SGCZ: variants seen among roughly 807,000 people sequenced by gnomAD.
The protein encoded by SGCZ is zeta-sarcoglycan.
SGCZ carries 40 observed loss-of-function variants against 41.3 expected under a neutral mutation model. That is an observed-to-expected ratio of 0.97 (90% confidence interval 0.75 to 1.26). The LOEUF is 1.26. Among genes scored for constraint, SGCZ ranks in the 50% most tolerant of loss-of-function variants. The probability of loss-of-function intolerance (pLI) is 0.00; values close to 1 mark genes in which losing one functional copy is unlikely to be tolerated. For synonymous variants in SGCZ, 206 were observed against 137.5 expected (o/e 1.50, Z -3.49); for missense variants, 552 against 369.8 (o/e 1.49, Z -4.04).
intron 1 of SGCZ, among the ~76,000 whole-genome samples, chr8:15,059,588 A>T (rs1373836289): frequency 6.6e-6 from 1 of 152,232 alleles, no homozygotes; most frequent in Non-Finnish European, 1.5e-5. Context: ...GTAAGAAATC[A>T]TTACTTGAAA....
At chr8:14,764,040 T>C (rs996465137) in intron 1 of SGCZ, among the ~76,000 whole-genome samples, 11 of 152,172 alleles carry the variant, frequency 7.2e-5, no homozygotes, top group Admixed American at 5.9e-4. Context: ...GCTGATGCCA[T>C]GTCTGGCAGG....
chr8:14,833,910 G>C (rs1295603249), intron 1 of SGCZ, among the ~76,000 whole-genome samples: 1 of 152,154 alleles, frequency 6.6e-6, no homozygotes, highest in Non-Finnish European at 1.5e-5. Flanking sequence ...TCAACAGTTT[G>C]GAGGGGAGAA....
chr8:14,424,824 T>A (rs1324610301), intron 2 of SGCZ, among the ~76,000 whole-genome samples: 1 of 152,204 alleles, frequency 6.6e-6, no homozygotes, highest in Non-Finnish European at 1.5e-5. Context: ...TTCTACATTA[T>A]GCTGATGTTG....
chr8:14,975,180 C>T (rs1037714238), intron 1 of SGCZ, among the ~76,000 whole-genome samples: 1 of 152,130 alleles, frequency 6.6e-6, no homozygotes, highest in Non-Finnish European at 1.5e-5. Context: ...GTGGCGGCTG[C>T]CTGTAGCCCC....
intron 1 of SGCZ, among the ~76,000 whole-genome samples, chr8:14,930,762 C>G (rs1799901785): frequency 6.6e-6 from 1 of 151,956 alleles, no homozygotes; most frequent in African/African-American, 2.4e-5. Context: ...CCCATGTTCT[C>G]ATTCATAATT....
chr8:14,944,626 T>G (rs2130825467), intron 1 of SGCZ, among the ~76,000 whole-genome samples: 1 of 152,316 alleles, frequency 6.6e-6, no homozygotes, highest in South Asian at 2.1e-4. Context: ...AAGGATAAGT[T>G]ATTTAAGTTG....
At chr8:14,298,611 C>T (rs574848030) in intron 3 of SGCZ, among the ~76,000 whole-genome samples, 1 of 151,806 alleles carries the variant, frequency 6.6e-6, no homozygotes, top group Non-Finnish European at 1.5e-5. Context: ...TTTATATACT[C>T]AGAACAAAAT....
At chr8:14,642,894 T>C (rs1197556031) in intron 1 of SGCZ, among the ~76,000 whole-genome samples, 1 of 151,562 alleles carries the variant, frequency 6.6e-6, no homozygotes, top group Non-Finnish European at 1.5e-5. Flanking sequence ...TTATAATATT[T>C]AGTACAGACG....
At chr8:14,140,847 A>G (rs1174718880) in intron 5 of SGCZ, among the ~76,000 whole-genome samples, 2 of 152,196 alleles carry the variant, frequency 1.3e-5, no homozygotes, top group Non-Finnish European at 1.5e-5. Flanking sequence ...GAACCAAAAA[A>G]GAGCCCGCAT....
intron 1 of SGCZ, among the ~76,000 whole-genome samples, chr8:15,082,431 T>C (rs1805789196): frequency 9.4e-6 from 1 of 106,606 alleles, no homozygotes; most frequent in Non-Finnish European, 2.3e-5. Context: ...TATGTGTGTG[T>C]GTATATCTCT....
intron 1 of SGCZ, among the ~76,000 whole-genome samples, chr8:15,066,430 GTCTAAT>G (rs1805152375): frequency 6.6e-6 from 1 of 151,332 alleles, no homozygotes; most frequent in South Asian, 2.1e-4. Context: ...TGTTCCAATA[GTCTAAT>G]TCTAATGTTT....
intron 4 of SGCZ, among the ~76,000 whole-genome samples, chr8:14,234,143 C>A (rs1029376910): frequency 7.2e-5 from 11 of 152,016 alleles, no homozygotes; most frequent in Admixed American, 2.0e-4. Context: ...ATTGATTTTT[C>A]TACCTAAAGT....
At chr8:14,233,990 AG>A (rs1806666484) in intron 4 of SGCZ, among the ~76,000 whole-genome samples, 1 of 151,980 alleles carries the variant, frequency 6.6e-6, no homozygotes, top group Admixed American at 6.6e-5. Flanking sequence ...ATTTGGAGGA[AG>A]AAATCTTGAG....
rs75054512 is a variant in SGCZ, at chr8:14,394,143, CTTTTTTT to C, written c.235-69946_235-69940del. ...CATGCACTGCCCTACCGCCCCCCAC[CTTTTTTT>C]TTTTTTTTTTTTTTTTTTGAGATTT... On this transcript the variant is annotated intron_variant, in intron 2 of 7. Coordinates refer to ENST00000382080, the MANE Select transcript of SGCZ (RefSeq NM_139167.4). 6.5e-3 allele frequency among the ~76,000 whole-genome samples: 768 copies of C among 117,500 alleles called. 13 individuals carry two copies. Among genetic ancestry groups the C allele is most frequent in the Middle Eastern group, 0.025 (5 of 198 alleles). The allele number at this position is 117,500 out of a possible 152,430, so 77.1% of individuals were successfully genotyped here.
At chr8:14,576,837 T>C (rs1273442856) in intron 1 of SGCZ, among the ~76,000 whole-genome samples, 1 of 152,194 alleles carries the variant, frequency 6.6e-6, no homozygotes, top group Non-Finnish European at 1.5e-5. Flanking sequence ...TCCCTACTTT[T>C]GGGTTTATAA....
At chr8:14,189,819 T>G (rs2117043454) in intron 4 of SGCZ, among the ~76,000 whole-genome samples, 1 of 152,304 alleles carries the variant, frequency 6.6e-6, no homozygotes, top group Middle Eastern at 3.4e-3. Context: ...CATGCTTCAT[T>G]ACTTCCAGGA....
At chr8:14,208,865 G>A (rs1205376228) in intron 4 of SGCZ, among the ~76,000 whole-genome samples, 1 of 152,144 alleles carries the variant, frequency 6.6e-6, no homozygotes, top group East Asian at 1.9e-4. Flanking sequence ...GGCAGATAGC[G>A]AGGGTGGGAG....
intron 1 of SGCZ, among the ~76,000 whole-genome samples, chr8:14,975,131 C>T (rs1420483878): frequency 2.0e-5 from 3 of 152,026 alleles, no homozygotes; most frequent in East Asian, 3.9e-4. Flanking sequence ...ATGGTGAAAC[C>T]GCGTCTCTAC....
intron 1 of SGCZ, among the ~76,000 whole-genome samples, chr8:14,603,821 T>A (rs908614183): frequency 1.3e-5 from 2 of 152,190 alleles, no homozygotes; most frequent in African/African-American, 4.8e-5. Context: ...CCTTGTCCTG[T>A]CTTTGTTTTG....
Sources: allele counts gnomAD v4.1 joint callset (sites outside exome capture counted in the v4.1 genomes callset), GRCh38; gene constraint gnomAD v4.1.1; transcripts MANE v1.5; gene names NCBI Gene and HGNC (gene_info 2026-07-23, HGNC 2026-07-21).